The following PCSK5 variants were observed in gnomAD, a reference collection of about 807,000 sequenced individuals.
The protein encoded by PCSK5 is proprotein convertase subtilisin/kexin type 5.
Under a neutral mutation model 233.2 loss-of-function variants are expected in PCSK5, and 129 were observed. The ratio of observed to expected loss-of-function variants is 0.55; its 90% CI spans 0.48 to 0.64. The LOEUF (loss-of-function observed/expected upper bound fraction) is 0.64. PCSK5 is among the 30% of genes least tolerant of loss of function. PCSK5 has a pLI of 0.00. For synonymous variants in PCSK5, 825 were observed against 879.2 expected (o/e 0.94, Z 1.09); for missense variants, 2,076 against 2,430.1 (o/e 0.85, Z 3.06).
Position 75,954,189 on chromosome 9 carries a change from C to T in PCSK5, c.297+21706C>T, listed in dbSNP as rs989899448. Among the ~76,000 whole-genome samples, 6 of 152,214 alleles carry T rather than the reference C, an allele frequency of 3.9e-5. No individual in the cohort carries two copies. In the East Asian group the frequency reaches 1.2e-3, roughly 29 times the overall value. ...GTTTGTAGAAACAGGCCTATTTTTT[C>T]CTCCTGGTAGAGTCTGTACATGGCT... is the stretch of plus-strand genomic sequence containing the variant. On this transcript the variant is annotated intron_variant, in intron 2 of 37. Transcript: ENST00000674117.
chr9:76,104,441 A>T (rs1831894741), intron 8 of PCSK5, among the ~76,000 whole-genome samples: 1 of 151,914 alleles, frequency 6.6e-6, no homozygotes, highest in Non-Finnish European at 1.5e-5. Flanking sequence ...ATTATAACAC[A>T]GTGGGGATTT....
chr9:76,071,986 G>A, intron 7 of PCSK5, 88 bp downstream of exon 7: 3 of 1,324,014 alleles, frequency 2.3e-6, no homozygotes, highest in Non-Finnish European at 2.1e-6. Context: ...CTGCAGTCTA[G>A]AGAACTGGAT....
chr9:76,159,046 C>A lies in PCSK5; in HGVS notation c.1494C>A (p.Pro498=). Residue 498 remains proline (P), a synonymous_variant, in exon 12 of 38, where the codon CCC becomes CCA. Coordinates refer to ENST00000674117, the MANE Select transcript of PCSK5 (RefSeq NM_001372043.1). ...IYKASGCSDN[P]NRHVNYLEHV... ...AAGCTTCAGGCTGCTCGGATAACCC[C>A]AACCGCCATGTCAACTACCTGGAGC... 1 of 1,614,144 alleles carries A rather than the reference C, an allele frequency of 6.2e-7. No homozygotes were observed.
At chr9:75,971,250 A>G (rs1825806554) in intron 2 of PCSK5, among the ~76,000 whole-genome samples, 1 of 152,176 alleles carries the variant, frequency 6.6e-6, no homozygotes, top group Non-Finnish European at 1.5e-5. Flanking sequence ...GTGTCCCTGC[A>G]AAGGACATGA....
chr9:75,900,714 T>G (rs1002374870), intron 1 of PCSK5, among the ~76,000 whole-genome samples: 2 of 149,808 alleles, frequency 1.3e-5, no homozygotes, highest in Non-Finnish European at 3.0e-5. Flanking sequence ...TTTTTTTTTT[T>G]TTTTACCCTG....
intron 35 of PCSK5, among the ~76,000 whole-genome samples, chr9:76,339,832 C>T (rs900264358): frequency 3.2e-4 from 49 of 152,082 alleles, no homozygotes; most frequent in Admixed American, 1.9e-3. Flanking sequence ...TGTGAGCCAC[C>T]GCACCCGGCC....
At chr9:76,121,039 CA>C (rs1179747671) in intron 9 of PCSK5, among the ~76,000 whole-genome samples, 5 of 152,032 alleles carry the variant, frequency 3.3e-5, no homozygotes, top group Admixed American at 1.3e-4. Flanking sequence ...ATTAACCCTT[CA>C]AAAAATGTTA....
intron 10 of PCSK5, among the ~76,000 whole-genome samples, chr9:76,150,360 G>A (rs535592627): frequency 4.6e-5 from 7 of 152,282 alleles, no homozygotes; most frequent in Middle Eastern, 3.4e-3. Flanking sequence ...GCAGCCGGGC[G>A]CAGTGGCTCA....
chr9:76,321,703 C>A, intron 31 of PCSK5, 64 bp downstream of exon 31: 1 of 1,035,982 alleles, frequency 9.7e-7, no homozygotes, highest in Non-Finnish European at 1.4e-6. Flanking sequence ...GGCCGATTAT[C>A]TGAGGGTGGA....
intron 2 of PCSK5, among the ~76,000 whole-genome samples, chr9:75,970,945 C>A (rs567079872): frequency 6.6e-5 from 10 of 152,134 alleles, no homozygotes; most frequent in Admixed American, 3.9e-4. Context: ...ATTTTAAGTT[C>A]CAGTATACAC....
At chr9:76,116,606 A>G (rs1025564537) in intron 9 of PCSK5, among the ~76,000 whole-genome samples, 50 of 73,618 alleles carry the variant, frequency 6.8e-4, no homozygotes, top group African/African-American at 2.2e-3. Context: ...AAAATGGTGG[A>G]AAAAAACGGC....
intron 17 of PCSK5, among the ~76,000 whole-genome samples, chr9:76,186,840 T>G (rs1030843478): frequency 6.6e-6 from 1 of 152,208 alleles, no homozygotes; most frequent in Non-Finnish European, 1.5e-5. Flanking sequence ...TTCTTTTGGC[T>G]TTTTAAATGA....
intron 24 of PCSK5, among the ~76,000 whole-genome samples, chr9:76,282,211 G>A (rs1172591751): frequency 1.6e-5 from 2 of 125,986 alleles, no homozygotes; most frequent in African/African-American, 2.8e-5. Flanking sequence ...TCAAACTCCT[G>A]GGCTCAAGTG....
chr9:76,063,345 T>TTTTTTTTTA (rs1830107229), intron 5 of PCSK5, among the ~76,000 whole-genome samples: 1 of 132,840 alleles, frequency 7.5e-6, no homozygotes. Context: ...TTTTTTTTTT[T>TTTTTTTTTA]TTTATTGATA....
chr9:76,155,392 A>G (rs942522587), intron 10 of PCSK5, among the ~76,000 whole-genome samples: 2 of 152,214 alleles, frequency 1.3e-5, no homozygotes, highest in Admixed American at 6.5e-5. Flanking sequence ...GTTTTTATAT[A>G]CTATAGTTTA....
chr9:76,252,673 A>G (rs1029054882), intron 24 of PCSK5, among the ~76,000 whole-genome samples: 3 of 152,154 alleles, frequency 2.0e-5, no homozygotes, highest in Admixed American at 6.5e-5. Context: ...AGTGGGTTCT[A>G]TTATAAGTAT....
chr9:76,079,127 G>A (rs901097570), intron 7 of PCSK5, among the ~76,000 whole-genome samples: 1 of 151,468 alleles, frequency 6.6e-6, no homozygotes, highest in Non-Finnish European at 1.5e-5. Flanking sequence ...TCGAGATGGA[G>A]TTCACCCTGT....
chr9:76,104,421 G>C (rs1291647315), intron 8 of PCSK5, among the ~76,000 whole-genome samples: 2 of 151,564 alleles, frequency 1.3e-5, no homozygotes, highest in African/African-American at 4.8e-5. Context: ...ATTTAAAGTG[G>C]TTGAAAAAAA....
At chr9:75,907,843 T>C (rs1301850001) in intron 1 of PCSK5, among the ~76,000 whole-genome samples, 1 of 152,118 alleles carries the variant, frequency 6.6e-6, no homozygotes, top group Non-Finnish European at 1.5e-5. Flanking sequence ...GTAGAAGCAA[T>C]GGAAGTAGCA....
Sources: allele counts gnomAD v4.1 joint callset (sites outside exome capture counted in the v4.1 genomes callset), GRCh38; gene constraint gnomAD v4.1.1; transcripts MANE v1.5; gene names NCBI Gene and HGNC (gene_info 2026-07-23, HGNC 2026-07-21).